HDLBP: variants seen among roughly 807,000 people sequenced by gnomAD.
The protein encoded by HDLBP is high density lipoprotein binding protein.
HDLBP carries 30 observed loss-of-function variants against 137.3 expected under a neutral mutation model. The ratio of observed to expected loss-of-function variants is 0.22; its 90% CI spans 0.16 to 0.30. The LOEUF is 0.30. Ranked by LOEUF, HDLBP falls within the 10% of genes least tolerant of loss-of-function variation. The pLI, the probability that HDLBP is intolerant of heterozygous loss-of-function variation, is 1.00. For missense variants in HDLBP, 1,119 were observed against 1,667.3 expected, an observed-to-expected ratio of 0.67 and a Z score of 5.73; for synonymous variants, 606 against 596.0, an observed-to-expected ratio of 1.02 and a Z score of -0.24.
At chr2:241,275,095 A>C (rs1427758037) in intron 1 of HDLBP, among the ~76,000 whole-genome samples, 3 of 152,208 alleles carry the variant, frequency 2.0e-5, no homozygotes, top group African/African-American at 4.8e-5. Context: ...CTGTAGGGAC[A>C]ATGGACTAGT....
chr2:241,254,768 A>C (rs1366549447), intron 9 of HDLBP, among the ~76,000 whole-genome samples: 1 of 152,170 alleles, frequency 6.6e-6, no homozygotes, highest in African/African-American at 2.4e-5. Context: ...TTATTTCACC[A>C]TAATTACTAA....
chr2:241,305,431 C>T (rs561668070), intron 1 of HDLBP, among the ~76,000 whole-genome samples: 7 of 152,242 alleles, frequency 4.6e-5, no homozygotes, highest in Admixed American at 3.9e-4. Flanking sequence ...CCAGGCTCTA[C>T]TCTTTCCAAC....
Position 241,267,729 on chromosome 2 carries a change from G to A in HDLBP, c.-38+748C>T, listed in dbSNP as rs184331597. ...GGTAGCTGCGTGACAGGAAAAAGCA[G>A]CCTCAGTGCTTTGTAGCAACAGTAA... On this transcript the variant is annotated intron_variant, in intron 2 of 27. Coordinates refer to ENST00000310931, the MANE Select transcript of HDLBP (RefSeq NM_005336.6). 130 of 1,533,754 alleles carry A rather than the reference G, an allele frequency of 8.5e-5. 1 individual carries two copies. The highest frequency in any genetic ancestry group is 5.3e-4 in the Admixed American group (27 of 50,944).
rs541736863 is a variant in HDLBP at position 241,248,123 on chromosome 2, C to A, written c.1618-7G>T. On this transcript the variant is annotated splice_region_variant and splice_polypyrimidine_tract_variant and intron_variant, in intron 13 of 27. Coordinates refer to ENST00000310931, the MANE Select transcript of HDLBP (RefSeq NM_005336.6). ...CTGGAAAGTTAATGATGACCTAGAA[C>A]AAATCATGGGGAGACTAAGTTCAAG... 8.1e-6 allele frequency: 13 copies of A among 1,608,046 alleles called. No individual in the cohort carries two copies. In the East Asian group the frequency reaches 2.7e-4, roughly 33 times the overall value.
intron 21 of HDLBP, among the ~76,000 whole-genome samples, chr2:241,235,943 C>T (rs890190819): frequency 6.6e-6 from 1 of 152,070 alleles, no homozygotes; most frequent in Non-Finnish European, 1.5e-5. Flanking sequence ...AAGGGACTCT[C>T]GGACCACTAC....
chr2:241,267,464 G>C (rs553509493), intron 2 of HDLBP: 35 of 955,954 alleles, frequency 3.7e-5, no homozygotes, highest in African/African-American at 6.5e-5. Flanking sequence ...CCGCAGGGGT[G>C]GGGGGACCAT....
At chr2:241,302,562 G>C (rs2075431021) in intron 1 of HDLBP, 1 of 152,186 alleles carries the variant, frequency 6.6e-6, no homozygotes, top group South Asian at 2.1e-4. Flanking sequence ...TGGTAAAAGT[G>C]CCAAATAAAT....
intron 1 of HDLBP, among the ~76,000 whole-genome samples, chr2:241,304,167 T>C (rs1406630770): frequency 6.6e-6 from 1 of 152,220 alleles, no homozygotes; most frequent in African/African-American, 2.4e-5. Flanking sequence ...AACACTATGC[T>C]ATCTGTTCAT....
chr2:241,229,599 CA>C lies in HDLBP; in HGVS notation c.*1del. The stretch of plus-strand genomic sequence containing the variant: ...TGGAGAGGGTTCTGTTCTTTTTGAT[CA>C]TTATCGTTTGGGGCCCCAAGGGAGG... On this transcript the variant is annotated 3_prime_UTR_variant, in exon 28 of 28. Coordinates refer to ENST00000310931, the MANE Select transcript of HDLBP (RefSeq NM_005336.6). The C allele has an allele frequency of 1.2e-6, 2 of 1,611,052 alleles. No homozygotes were observed. The highest frequency in any genetic ancestry group is 1.7e-6 in the Non-Finnish European group (2 of 1,177,560).
In HDLBP at chr2:241,256,894, A is replaced by G. The variant is rs1574939168; in HGVS notation, c.451-88T>C. ...TCCAAGACATTCTGGCAGAAACACC[A>G]TCTTTGCTTATTCCTGCCCAGCAGC... On this transcript the variant is annotated intron_variant, in intron 5 of 27. Transcript: ENST00000310931. 2.7e-6 allele frequency: 3 copies of G among 1,098,638 alleles called. No homozygotes were observed. In the Admixed American group the frequency reaches 5.7e-5, roughly 21 times the overall value. 68.1% of individuals were successfully genotyped at this position (1,098,638 alleles called of 1,614,324 possible).
At chr2:241,265,375 G>A (rs990622390) in intron 3 of HDLBP, among the ~76,000 whole-genome samples, 3 of 152,066 alleles carry the variant, frequency 2.0e-5, no homozygotes, top group African/African-American at 7.2e-5. Flanking sequence ...CCAAGACTGC[G>A]CCATTGCACT....
At chr2:241,262,076 T>C (rs1314748262) in intron 5 of HDLBP, among the ~76,000 whole-genome samples, 1 of 152,250 alleles carries the variant, frequency 6.6e-6, no homozygotes, top group Non-Finnish European at 1.5e-5. Context: ...GATTTGCTTA[T>C]TACAAATGTT....
At chr2:241,298,730 A>G (rs924595130) in intron 1 of HDLBP, among the ~76,000 whole-genome samples, 1 of 152,242 alleles carries the variant, frequency 6.6e-6, no homozygotes, top group African/African-American at 2.4e-5. Context: ...TGCACCACCT[A>G]TTAGGATGCA....
At chr2:241,264,726 C>G in intron 3 of HDLBP, 121 bp from the exon 4 acceptor site, 1 of 913,042 alleles carries the variant, frequency 1.1e-6, no homozygotes, top group Non-Finnish European at 1.7e-6. Flanking sequence ...CCAAGGACAA[C>G]TCCCCCCACC....
In HDLBP at chr2:241,272,483, G is replaced by C. The variant is rs892558188; in HGVS notation, c.-102-3942C>G. ...CCAAGAGCGGCCCAGCGGCGCCACC[G>C]GACTTGAGAAAGTTTGTGCGCGCCC... On this transcript the variant is annotated intron_variant, in intron 1 of 27. Coordinates refer to ENST00000310931, the MANE Select transcript of HDLBP (RefSeq NM_005336.6). This position sits in a 1 kb window ranked among gnomAD's most constrained non-coding sequence, Gnocchi z 5.6. The C allele has an allele frequency of 1.9e-5, 19 of 984,660 alleles. No individual in the cohort carries two copies. In the African/African-American group the frequency reaches 2.8e-4, roughly 15 times the overall value. The allele number at this position is 984,660 out of a possible 1,614,324, so 61.0% of individuals were successfully genotyped here.
At chr2:241,256,894 ATCTTTGCTTAT>A in intron 5 of HDLBP, 88 bp from the exon 6 acceptor site, 1 of 1,098,756 alleles carries the variant, frequency 9.1e-7, no homozygotes, top group Non-Finnish European at 1.4e-6. Flanking sequence ...CAGAAACACC[ATCTTTGCTTAT>A]TCCTGCCCAG....
chr2:241,258,998 C>T (rs1268589151), intron 5 of HDLBP, among the ~76,000 whole-genome samples: 1 of 152,120 alleles, frequency 6.6e-6, no homozygotes, highest in African/African-American at 2.4e-5. Context: ...CTGGGTAAAA[C>T]AGGAAATAGC....
In HDLBP at chr2:241,272,217, C is replaced by G. The variant is rs2074112026; in HGVS notation, c.-102-3676G>C. On this transcript the variant is annotated intron_variant, in intron 1 of 27. Transcript: ENST00000310931. This position sits in a 1 kb window ranked among gnomAD's most constrained non-coding sequence, Gnocchi z 5.6. ...GGTGGAGGTGCTGCGGGGGCCCCGCCGCCCGGTCTGCGCCCAGACCCCCGC... is the reference window on the plus strand; with the variant it reads ...GGTGGAGGTGCTGCGGGGGCCCCGCGGCCCGGTCTGCGCCCAGACCCCCGC... 1 of 981,978 alleles carries G rather than the reference C, an allele frequency of 1.0e-6. No homozygotes were observed. The highest frequency in any genetic ancestry group is 1.7e-5 in the African/African-American group (1 of 57,160). 60.8% of individuals were successfully genotyped at this position (981,978 alleles called of 1,614,324 possible). A position where few individuals can be genotyped will look rare whatever the true frequency, so the allele number is the denominator to read the frequency against.
intron 1 of HDLBP, among the ~76,000 whole-genome samples, chr2:241,311,092 C>T (rs2075744040): frequency 6.6e-6 from 1 of 151,354 alleles, no homozygotes; most frequent in Non-Finnish European, 1.5e-5. Flanking sequence ...ACAGCCTGAG[C>T]AACAGAGCAA....
Sources: allele counts gnomAD v4.1 joint callset (sites outside exome capture counted in the v4.1 genomes callset), GRCh38; gene constraint gnomAD v4.1.1; non-coding constraint Gnocchi (gnomAD v3.1); transcripts MANE v1.5; gene names NCBI Gene and HGNC (gene_info 2026-07-23, HGNC 2026-07-21).